SLC9A6: variants seen among roughly 807,000 people sequenced by gnomAD.
SLC9A6 encodes solute carrier family 9 member A6.
SLC9A6 carries 6 observed loss-of-function variants against 45.3 expected under a neutral mutation model. That is an observed-to-expected ratio of 0.13 (90% confidence interval 0.07 to 0.26). SLC9A6 has a LOEUF of 0.26. Among genes scored for constraint, SLC9A6 ranks in the 10% least tolerant of loss-of-function variants. The pLI is 1.00. For synonymous variants in SLC9A6, 191 were observed against 187.7 expected (o/e 1.02, Z -0.14); for missense variants, 278 against 503.7 (o/e 0.55, Z 4.29).
intron 1 of SLC9A6, among the ~76,000 whole-genome samples, chrX:135,978,284 T>C (rs183512562): frequency 5.1e-4 from 57 of 112,226 alleles, no homozygotes; most frequent in African/African-American, 1.8e-3. Flanking sequence ...AATATCTCTC[T>C]TAGGGTTTCA....
chrX:136,037,332 TATC>T (rs1556621924), intron 16 of SLC9A6, among the ~76,000 whole-genome samples: 1 of 112,599 alleles, frequency 8.9e-6, no homozygotes, highest in East Asian at 2.8e-4. Flanking sequence ...AGAGAAATGA[TATC>T]ATAACAATAT....
chrX:135,988,328 G>C (rs782681260), intron 2 of SLC9A6, among the ~76,000 whole-genome samples: 1 of 111,589 alleles, frequency 9.0e-6, no homozygotes, highest in African/African-American at 3.3e-5. Context: ...CTCATTGTGG[G>C]CAATGGGTGC....
chrX:136,029,907 C>T (rs902377945), intron 14 of SLC9A6: 24 of 419,620 alleles, frequency 5.7e-5, no homozygotes, highest in East Asian at 2.8e-4. Flanking sequence ...AGTAAGATTG[C>T]AGGAAGAGAA....
chrX:136,037,771 C>T (rs1167474930), intron 16 of SLC9A6, among the ~76,000 whole-genome samples: 3 of 111,429 alleles, frequency 2.7e-5, no homozygotes, highest in East Asian at 2.8e-4. Context: ...GGTGTTTCAC[C>T]GTGTTTGCCA....
chrX:136,039,312 T>A lies in SLC9A6; in HGVS notation c.1662-764T>A, dbSNP rs782190198. 3.4e-3 allele frequency among the ~76,000 whole-genome samples: 363 copies of A among 108,125 alleles called. 2 individuals carry two copies. The highest frequency in any genetic ancestry group is 8.9e-3 in the African/African-American group (264 of 29,606). The allele number at this position is 108,125 out of a possible 115,157, so 93.9% of individuals were successfully genotyped here. ...GACACTGTCTCAAAAAAAAAAAAAA[T>A]AAATGAATAAATAAATAAAGTGGGG... On this transcript the variant is annotated intron_variant, in intron 16 of 17. Transcript: ENST00000630721.
intron 8 of SLC9A6, among the ~76,000 whole-genome samples, chrX:136,011,983 G>A (rs1306724956): frequency 3.6e-5 from 4 of 112,082 alleles, no homozygotes; most frequent in African/African-American, 6.5e-5. Flanking sequence ...CCAGCTACTC[G>A]GGAGGCTGAA....
At chrX:136,041,638 T>G in intron 17 of SLC9A6, among the ~76,000 whole-genome samples, 1 of 112,038 alleles carries the variant, frequency 8.9e-6, no homozygotes, top group South Asian at 3.7e-4. Context: ...GCTCTTGGAT[T>G]CCAGAGACCC....
At chrX:135,980,382 C>A (rs1258242389), upstream of SLC9A6, among the ~76,000 whole-genome samples, 1 of 109,335 alleles carries the variant, frequency 9.1e-6, no homozygotes, top group African/African-American at 3.3e-5. Context: ...CAGGCACCTC[C>A]AACGAATCAA....
At chrX:135,986,727 G>A (rs1234602482) in intron 2 of SLC9A6, among the ~76,000 whole-genome samples, 1 of 110,317 alleles carries the variant, frequency 9.1e-6, no homozygotes, top group Admixed American at 9.7e-5. Context: ...TTATTATTTT[G>A]GTGACAAGGC....
At chrX:136,037,593 CAG>C (rs1259099734) in intron 16 of SLC9A6, among the ~76,000 whole-genome samples, 1 of 111,005 alleles carries the variant, frequency 9.0e-6, no homozygotes, top group Non-Finnish European at 1.9e-5. Flanking sequence ...TTTATTGAGA[CAG>C]AGTCTCACTC....
At chrX:136,007,127 A>C (rs903899969) in intron 7 of SLC9A6, among the ~76,000 whole-genome samples, 1 of 111,309 alleles carries the variant, frequency 9.0e-6, no homozygotes, top group East Asian at 2.8e-4. Context: ...TCGGCCTCCC[A>C]AAGTGCTGGG....
chrX:136,014,005 T>C (rs2148175384), intron 10 of SLC9A6, among the ~76,000 whole-genome samples: 1 of 112,196 alleles, frequency 8.9e-6, no homozygotes, highest in South Asian at 3.7e-4. Flanking sequence ...TCTGGTTTTA[T>C]TTGGTACTGA....
intron 15 of SLC9A6, among the ~76,000 whole-genome samples, chrX:136,031,383 G>GT (rs1246371633): frequency 2.1e-4 from 24 of 111,790 alleles, no homozygotes; most frequent in Admixed American, 2.8e-4. Flanking sequence ...ACAAAGGACC[G>GT]TTTTTTTTCC....
intron 15 of SLC9A6, among the ~76,000 whole-genome samples, chrX:136,032,138 G>A (rs1401625761): frequency 8.9e-6 from 1 of 112,095 alleles, no homozygotes; most frequent in Non-Finnish European, 1.9e-5. Flanking sequence ...CACGATCTCA[G>A]GTCACTGCAA....
At chrX:136,009,736 C>T (rs1315547919) in intron 7 of SLC9A6, among the ~76,000 whole-genome samples, 4 of 112,034 alleles carry the variant, frequency 3.6e-5, no homozygotes, top group African/African-American at 1.3e-4. Context: ...ACTGTGAGTT[C>T]AAGATGGAGA....
chrX:136,046,916 C>T lies in SLC9A6; in HGVS notation c.*2192C>T, dbSNP rs148651157. The stretch of plus-strand genomic sequence containing the variant: ...TTTCCTGTTGTTTGTGGAACCTACG[C>T]GTTTGAATGGCTTGAACGTTGCATC... On this transcript the variant is annotated 3_prime_UTR_variant, in exon 18 of 18. Transcript: ENST00000630721. 2,403 of 112,795 alleles carry T rather than the reference C, an allele frequency of 0.021. 33 individuals carry two copies. Among genetic ancestry groups the T allele is most frequent in the Middle Eastern group, 0.05 (11 of 219 alleles). 9.3% of individuals were successfully genotyped at this position (112,795 alleles called of 1,213,427 possible).
At chrX:135,976,779 A>G (rs2089265467) in intron 1 of SLC9A6, among the ~76,000 whole-genome samples, 1 of 111,847 alleles carries the variant, frequency 8.9e-6, no homozygotes, top group African/African-American at 3.2e-5. Context: ...CCACCAATGC[A>G]TTATCCTAGT....
chrX:135,982,402 TG>T (rs1367158576), upstream of SLC9A6, among the ~76,000 whole-genome samples: 57 of 4,628 alleles, frequency 0.012, no homozygotes, highest in African/African-American at 0.034. Flanking sequence ...GGGCGGGGGT[TG>T]GGGGGGGCGG....
At chrX:136,007,039 G>A (rs1178266972) in intron 7 of SLC9A6, among the ~76,000 whole-genome samples, 3 of 110,881 alleles carry the variant, frequency 2.7e-5, no homozygotes, top group Non-Finnish European at 5.7e-5. Flanking sequence ...GCTAATTTTT[G>A]TATTTTTAGT....
Sources: allele counts gnomAD v4.1 joint callset (sites outside exome capture counted in the v4.1 genomes callset), GRCh38; gene constraint gnomAD v4.1.1; transcripts MANE v1.5; gene names NCBI Gene and HGNC (gene_info 2026-07-23, HGNC 2026-07-21).